The following OXCT1 variants were observed in gnomAD, a reference collection of about 807,000 sequenced individuals.
The protein encoded by OXCT1 is succinyl-CoA:3-ketoacid coenzyme A transferase 1, mitochondrial.
In OXCT1, 27 loss-of-function variants were observed where a neutral mutation model predicts 69.6. The ratio of observed to expected loss-of-function variants is 0.39; its 90% CI spans 0.29 to 0.54. The LOEUF (loss-of-function observed/expected upper bound fraction) is 0.54. Among genes scored for constraint, OXCT1 ranks in the 20% least tolerant of loss-of-function variants. The pLI is 0.72. For synonymous variants in OXCT1, 202 were observed against 217.8 expected (o/e 0.93, Z 0.64); for missense variants, 437 against 650.2 (o/e 0.67, Z 3.57).
intron 9 of OXCT1, 68 bp from the exon 10 acceptor site, chr5:41,803,231 T>C (rs188406006): frequency 1.6e-4 from 160 of 1,013,164 alleles, no homozygotes; most frequent in Middle Eastern, 6.2e-4. Flanking sequence ...ATCTTCTACA[T>C]ATACAGATCT....
chr5:41,745,796 C>G (rs572216439), intron 15 of OXCT1, among the ~76,000 whole-genome samples: 4 of 152,262 alleles, frequency 2.6e-5, no homozygotes, highest in Admixed American at 6.5e-5. Flanking sequence ...ACTAGAAAGT[C>G]TAGAAGAAAT....
At chr5:41,825,032 G>T (rs1376895720) in intron 7 of OXCT1, among the ~76,000 whole-genome samples, 1 of 152,140 alleles carries the variant, frequency 6.6e-6, no homozygotes, top group Non-Finnish European at 1.5e-5. Flanking sequence ...TTCTTTAAAT[G>T]AATCACCCAG....
intron 7 of OXCT1, among the ~76,000 whole-genome samples, chr5:41,825,038 C>G (rs867131641): frequency 6.6e-6 from 1 of 152,180 alleles, no homozygotes; most frequent in Non-Finnish European, 1.5e-5. Context: ...AAATGAATCA[C>G]CCAGATCCTT....
chr5:41,746,178 C>T (rs1026076324), intron 15 of OXCT1, among the ~76,000 whole-genome samples: 10 of 152,164 alleles, frequency 6.6e-5, no homozygotes, highest in African/African-American at 2.4e-4. Context: ...CCGAATCCAG[C>T]AGCACATCAA....
intron 5 of OXCT1, 51 bp downstream of exon 5, chr5:41,849,979 C>G (rs1329869736): frequency 6.3e-7 from 1 of 1,595,508 alleles, no homozygotes; most frequent in Non-Finnish European, 8.6e-7. Context: ...CACCCAAAAT[C>G]CCACGTGGAA....
chr5:41,819,118 T>C (rs1747400366), intron 7 of OXCT1, among the ~76,000 whole-genome samples: 1 of 152,144 alleles, frequency 6.6e-6, no homozygotes, highest in African/African-American at 2.4e-5. Context: ...TTTAAAATCA[T>C]AAGTTATATT....
intron 3 of OXCT1, among the ~76,000 whole-genome samples, chr5:41,854,314 T>C (rs149201607): frequency 2.8e-3 from 434 of 152,356 alleles, no homozygotes; most frequent in African/African-American, 0.01. Context: ...AGAAATGGTA[T>C]ACACAGTGTT....
At chr5:41,742,155 C>G (rs909964552) in intron 15 of OXCT1, among the ~76,000 whole-genome samples, 8 of 151,980 alleles carry the variant, frequency 5.3e-5, no homozygotes, top group Non-Finnish European at 1.0e-4. Context: ...ATTGACATTG[C>G]TTTTAAAAAA....
intron 7 of OXCT1, among the ~76,000 whole-genome samples, chr5:41,836,705 A>G (rs1748380233): frequency 6.6e-6 from 1 of 152,096 alleles, no homozygotes; most frequent in African/African-American, 2.4e-5. Flanking sequence ...TCCCACTCCT[A>G]TGAGAATATA....
chr5:41,859,478 A>C (rs1455845874), intron 3 of OXCT1, among the ~76,000 whole-genome samples: 1 of 152,182 alleles, frequency 6.6e-6, no homozygotes, highest in Non-Finnish European at 1.5e-5. Context: ...ACAGAAATAC[A>C]TTCCCATTGA....
At chr5:41,772,907 A>C (rs867598193) in intron 13 of OXCT1, among the ~76,000 whole-genome samples, 23 of 152,166 alleles carry the variant, frequency 1.5e-4, no homozygotes, top group African/African-American at 5.3e-4. Flanking sequence ...CAGTGCATGG[A>C]ATGAGTCTCA....
intron 13 of OXCT1, among the ~76,000 whole-genome samples, chr5:41,785,915 T>C (rs1345774844): frequency 6.6e-6 from 1 of 151,964 alleles, no homozygotes; most frequent in African/African-American, 2.4e-5. Context: ...AGATGGGGAG[T>C]GCAGATAGGG....
intron 5 of OXCT1, chr5:41,843,709 G>C: frequency 3.0e-6 from 1 of 338,248 alleles, no homozygotes; most frequent in Non-Finnish European, 6.1e-6. Context: ...CCCCCTAGTG[G>C]AAAAACAGAC....
intron 14 of OXCT1, among the ~76,000 whole-genome samples, chr5:41,751,766 T>A (rs762515589): frequency 6.6e-6 from 1 of 152,046 alleles, no homozygotes; most frequent in Non-Finnish European, 1.5e-5. Flanking sequence ...CTGAGACACA[T>A]AAAACTAGTG....
At chr5:41,826,643 A>G (rs956902607) in intron 7 of OXCT1, among the ~76,000 whole-genome samples, 2 of 151,082 alleles carry the variant, frequency 1.3e-5, no homozygotes, top group African/African-American at 4.9e-5. Flanking sequence ...CAAAAAAAAA[A>G]TGAAAAGAAA....
intron 14 of OXCT1, among the ~76,000 whole-genome samples, chr5:41,757,174 G>A (rs1744119527): frequency 1.3e-5 from 2 of 152,076 alleles, no homozygotes; most frequent in Non-Finnish European, 2.9e-5. Context: ...GTGTTTAAGT[G>A]TGAGTATATT....
chr5:41,731,744 C>T lies in OXCT1; in HGVS notation c.1548G>A (p.Gln516=), dbSNP rs1224651844. The change falls in exon 17 of 17, where the codon CAG becomes CAA. Residue 516 remains glutamine (Q), a synonymous_variant. Coordinates refer to ENST00000196371, the MANE Select transcript of OXCT1 (RefSeq NM_000436.4). ...FAVSPKLMPM[Q]QIAN is the part of the protein sequence containing the mutation. ...TATCCATATTTCAATTTGCGATCTG[C>T]TGCATTGGCATGAGTTTTGGTGAAA... The T allele has an allele frequency of 3.1e-6, 5 of 1,609,702 alleles. No individual in the cohort carries two copies.
chr5:41,737,050 C>T (rs534674857), intron 16 of OXCT1, among the ~76,000 whole-genome samples: 8 of 152,296 alleles, frequency 5.3e-5, no homozygotes, highest in Admixed American at 3.3e-4. Context: ...TTAGGGCACT[C>T]CAGCTCTAGC....
At chr5:41,750,652 A>G (rs1459593731) in intron 14 of OXCT1, among the ~76,000 whole-genome samples, 1 of 152,086 alleles carries the variant, frequency 6.6e-6, no homozygotes, top group Non-Finnish European at 1.5e-5. Context: ...GCTTAAATGC[A>G]CACCTACTAT....
Sources: allele counts gnomAD v4.1 joint callset (sites outside exome capture counted in the v4.1 genomes callset), GRCh38; gene constraint gnomAD v4.1.1; transcripts MANE v1.5; gene names NCBI Gene and HGNC (gene_info 2026-07-23, HGNC 2026-07-21).